PDS5B: variants seen among roughly 807,000 people sequenced by gnomAD.
PDS5B encodes sister chromatid cohesion protein PDS5 homolog B.
A neutral mutation model predicts 184.1 loss-of-function variants in PDS5B; 51 were observed. The ratio of observed to expected loss-of-function variants is 0.28; its 90% confidence interval spans 0.22 to 0.35. PDS5B has a LOEUF of 0.35. Among genes scored for constraint, PDS5B ranks in the 10% least tolerant of loss-of-function variants. PDS5B has a pLI of 1.00. For missense variants in PDS5B, 1,180 were observed against 1,723.3 expected (o/e 0.68, Z 5.58); for synonymous variants, 566 against 569.2 (o/e 0.99, Z 0.08).
rs1566397570 is a variant in PDS5B at position 32,741,068 on chromosome 13, G to GTTT, written c.2407-11_2407-9dup. ...AGTCCCTGGTTTTTTTTTTTTTCTCGTTTATTTTTAGCTTCCAGGGAAAAA... is the reference window on the plus strand; with the variant it reads ...AGTCCCTGGTTTTTTTTTTTTTCTCGTTTTTTATTTTTAGCTTCCAGGGAAAAA... On this transcript the variant is annotated splice_polypyrimidine_tract_variant and intron_variant, in intron 21 of 34. Coordinates refer to ENST00000315596, the MANE Select transcript of PDS5B (RefSeq NM_015032.4). 1.7e-5 allele frequency: 22 copies of GTTT among 1,281,046 alleles called. No homozygotes were observed. Among genetic ancestry groups the GTTT allele is most frequent in the African/African-American group, 1.6e-5 (1 of 63,768 alleles). 79.4% of individuals were successfully genotyped at this position (1,281,046 alleles called of 1,614,324 possible).
chr13:32,721,413 G>A (rs892793431), intron 19 of PDS5B, among the ~76,000 whole-genome samples: 69 of 152,002 alleles, frequency 4.5e-4, no homozygotes, highest in South Asian at 1.0e-3. Context: ...CAGACGGAGC[G>A]GCTGCCGGGC....
intron 1 of PDS5B, among the ~76,000 whole-genome samples, chr13:32,587,602 C>G (rs973160054): frequency 6.6e-6 from 1 of 152,182 alleles, no homozygotes; most frequent in African/African-American, 2.4e-5. Context: ...AACGCCGCCC[C>G]TCGCCTTCGG....
intron 1 of PDS5B, among the ~76,000 whole-genome samples, chr13:32,589,038 C>T (rs1277562267): frequency 6.6e-6 from 1 of 152,136 alleles, no homozygotes; most frequent in Non-Finnish European, 1.5e-5. Context: ...ATTTGGCATA[C>T]GGACTCTTGA....
intron 1 of PDS5B, among the ~76,000 whole-genome samples, chr13:32,603,638 C>T (rs1201247687): frequency 2.0e-5 from 3 of 152,188 alleles, no homozygotes; most frequent in African/African-American, 4.8e-5. Flanking sequence ...TGAAGAAAGT[C>T]ATTGGTAGCT....
At chr13:32,683,811 A>G (rs1469657188) in intron 10 of PDS5B, 67 bp from the exon 11 acceptor site, 3 of 1,038,142 alleles carry the variant, frequency 2.9e-6, no homozygotes, top group Non-Finnish European at 4.4e-6. Context: ...TTTCAAGGGT[A>G]TCATGCAGTG....
intron 1 of PDS5B, among the ~76,000 whole-genome samples, chr13:32,645,967 C>CTT (rs1950208864): frequency 6.6e-6 from 1 of 150,998 alleles, no homozygotes; most frequent in Non-Finnish European, 1.5e-5. Context: ...GCTTCTTTCA[C>CTT]TTTGATGTGT....
intron 33 of PDS5B, among the ~76,000 whole-genome samples, chr13:32,772,166 A>G (rs1430432070): frequency 2.0e-5 from 3 of 152,190 alleles, no homozygotes; most frequent in African/African-American, 7.2e-5. Context: ...AAGTAAAAAA[A>G]TTGTTTGGTT....
At chr13:32,698,492 A>G (rs1355696018) in intron 15 of PDS5B, among the ~76,000 whole-genome samples, 4 of 152,258 alleles carry the variant, frequency 2.6e-5, no homozygotes, top group East Asian at 3.9e-4. Flanking sequence ...TCTATAAGTG[A>G]TCATGTTTAT....
intron 21 of PDS5B, among the ~76,000 whole-genome samples, chr13:32,740,857 G>A (rs372011655): frequency 2.0e-5 from 3 of 151,984 alleles, no homozygotes; most frequent in African/African-American, 4.8e-5. Context: ...AGAACCAGTC[G>A]TGATGGATCT....
chr13:32,738,675 T>C (rs1953427686), intron 21 of PDS5B, among the ~76,000 whole-genome samples: 1 of 151,590 alleles, frequency 6.6e-6, no homozygotes, highest in Admixed American at 6.6e-5. Context: ...AAGTTATTCC[T>C]TTTTTTTTCT....
intron 1 of PDS5B, among the ~76,000 whole-genome samples, chr13:32,598,598 G>T (rs1300007086): frequency 6.6e-6 from 1 of 151,948 alleles, no homozygotes; most frequent in African/African-American, 2.4e-5. Context: ...AGCCTCCTGG[G>T]TAGCTAGGAC....
chr13:32,616,577 T>C (rs1394217254), intron 1 of PDS5B, among the ~76,000 whole-genome samples: 1 of 152,176 alleles, frequency 6.6e-6, no homozygotes, highest in Non-Finnish European at 1.5e-5. Flanking sequence ...TGCATATAAA[T>C]ACAAGAAAAT....
chr13:32,624,103 A>G (rs1369023864), intron 1 of PDS5B, among the ~76,000 whole-genome samples: 1 of 152,092 alleles, frequency 6.6e-6, no homozygotes, highest in Admixed American at 6.6e-5. Context: ...TCTTTGCAAA[A>G]TTGACACAAA....
chr13:32,607,867 G>A (rs982548121), intron 1 of PDS5B, among the ~76,000 whole-genome samples: 10 of 152,348 alleles, frequency 6.6e-5, no homozygotes, highest in Middle Eastern at 3.4e-3. Flanking sequence ...AGCCAGGTGC[G>A]GGATATAATC....
intron 1 of PDS5B, among the ~76,000 whole-genome samples, chr13:32,586,810 G>A (rs1293959782): frequency 6.9e-6 from 1 of 144,930 alleles, no homozygotes; most frequent in African/African-American, 2.5e-5. Context: ...GGCGCGGGCC[G>A]GCTGCGCGGT....
At chr13:32,772,226 G>A (rs1471250066) in intron 33 of PDS5B, among the ~76,000 whole-genome samples, 1 of 152,144 alleles carries the variant, frequency 6.6e-6, no homozygotes, top group East Asian at 1.9e-4. Context: ...TAGAAGTGAT[G>A]TTATGTTTCT....
chr13:32,605,145 T>C (rs940568204), intron 1 of PDS5B, among the ~76,000 whole-genome samples: 2 of 152,232 alleles, frequency 1.3e-5, no homozygotes, highest in African/African-American at 4.8e-5. Context: ...TCTCTAGTTC[T>C]TTTAATTGTG....
At chr13:32,599,040 G>C (rs2057930031) in intron 1 of PDS5B, among the ~76,000 whole-genome samples, 1 of 152,160 alleles carries the variant, frequency 6.6e-6, no homozygotes. Flanking sequence ...AAAGTGCTGG[G>C]ATTACAGGCG....
At chr13:32,607,585 G>A (rs1281658628) in intron 1 of PDS5B, among the ~76,000 whole-genome samples, 1 of 152,246 alleles carries the variant, frequency 6.6e-6, no homozygotes, top group Non-Finnish European at 1.5e-5. Context: ...TCTCTTCAAA[G>A]CTGTCAGACA....
Sources: gnomAD v4.1 joint callset for allele counts (sites outside exome capture counted in the v4.1 genomes callset) on GRCh38, gnomAD v4.1.1 for gene constraint, MANE v1.5 for transcripts, NCBI Gene and HGNC (gene_info 2026-07-23, HGNC 2026-07-21) for gene names.